The following RGS12 variants were observed in gnomAD, a reference collection of about 807,000 sequenced individuals.
RGS12 encodes regulator of G-protein signaling 12.
Under a neutral mutation model 120.1 loss-of-function variants are expected in RGS12, and 66 were observed. The observed-to-expected ratio is 0.55, with a 90% confidence interval of 0.45 to 0.67. RGS12 has a LOEUF of 0.67. RGS12 is among the 30% of genes least tolerant of loss of function. RGS12 has a pLI of 0.00. For synonymous variants in RGS12, 827 were observed against 804.7 expected (o/e 1.03, Z -0.47); for missense variants, 1,859 against 1,957.7 (o/e 0.95, Z 0.95).
chr4:3,309,281 G>A (rs1324103623), intron 1 of RGS12, among the ~76,000 whole-genome samples: 1 of 138,080 alleles, frequency 7.2e-6, no homozygotes, highest in African/African-American at 2.7e-5. Context: ...TTGAGGAGGA[G>A]CTGGGACTCG....
At position 3,407,759 on chromosome 4, in the gene RGS12, A is replaced by G. The variant is rs193106784; in HGVS notation, c.2021-6313A>G. 8.9e-4 allele frequency among the ~76,000 whole-genome samples: 135 copies of G among 152,248 alleles called. 1 individual carries two copies. Among genetic ancestry groups the G allele is most frequent in the African/African-American group, 2.9e-3 (122 of 41,530 alleles). ...ATGACTTAAAGAGTCAGAGTGTTTGAGGTTACGGTTTGGATGAGATAACAA... is the reference window on the plus strand; with the variant it reads ...ATGACTTAAAGAGTCAGAGTGTTTGGGGTTACGGTTTGGATGAGATAACAA... On this transcript the variant is annotated intron_variant, in intron 4 of 17. Transcript: ENST00000336727.
chr4:3,293,582 G>T (rs1723177153), intron 1 of RGS12, among the ~76,000 whole-genome samples: 1 of 152,328 alleles, frequency 6.6e-6, no homozygotes, highest in South Asian at 2.1e-4. Flanking sequence ...GCAGCGACCT[G>T]GGGTCGCCTC....
At chr4:3,325,026 C>T (rs1049368043) in intron 2 of RGS12, among the ~76,000 whole-genome samples, 1 of 151,998 alleles carries the variant, frequency 6.6e-6, no homozygotes, top group African/African-American at 2.4e-5. Flanking sequence ...GAAATTAGTG[C>T]TTTGGTCAAA....
At chr4:3,413,730 G>C in intron 4 of RGS12, 1 of 248,354 alleles carries the variant, frequency 4.0e-6, no homozygotes, top group Non-Finnish European at 7.8e-6. Flanking sequence ...GTTCAACCCT[G>C]TGGCTGTAGT....
At chr4:3,293,604 C>T (rs1723178599) in intron 1 of RGS12, among the ~76,000 whole-genome samples, 1 of 152,204 alleles carries the variant, frequency 6.6e-6, no homozygotes, top group South Asian at 2.1e-4. Context: ...GCCGCGGTGC[C>T]GCGATTGTGC....
chr4:3,343,405 T>C (rs559272500), intron 3 of RGS12, among the ~76,000 whole-genome samples: 19 of 152,288 alleles, frequency 1.2e-4, no homozygotes, highest in African/African-American at 4.1e-4. Context: ...GTAAGTGTCA[T>C]TTTGTGTGGC....
chr4:3,414,492 C>G (rs1364537344), intron 5 of RGS12: 1 of 597,324 alleles, frequency 1.7e-6, no homozygotes, highest in Non-Finnish European at 2.9e-6. Context: ...CTCTGCAGCC[C>G]GCAGCACTGG....
chr4:3,293,346 C>T (rs1400149946), intron 1 of RGS12, among the ~76,000 whole-genome samples: 1 of 145,550 alleles, frequency 6.9e-6, no homozygotes, highest in Non-Finnish European at 1.5e-5. Context: ...CGGCGCGGGG[C>T]GCGGGCCTGT....
chr4:3,380,399 G>A (rs1204153679), intron 3 of RGS12, among the ~76,000 whole-genome samples: 1 of 152,348 alleles, frequency 6.6e-6, no homozygotes, highest in Admixed American at 6.5e-5. Context: ...ATTTTGAGGT[G>A]TGGAGGAGGG....
intron 17 of RGS12, 68 bp from the exon 18 acceptor site, chr4:3,439,387 T>C: frequency 1.3e-6 from 2 of 1,490,228 alleles, no homozygotes; most frequent in Non-Finnish European, 1.9e-6. Flanking sequence ...GCCTTCGGGG[T>C]AGGGGGTGGG....
At chr4:3,292,861 C>T (rs1442456793), upstream of RGS12, among the ~76,000 whole-genome samples, 2 of 151,944 alleles carry the variant, frequency 1.3e-5, no homozygotes, top group Non-Finnish European at 2.9e-5. Flanking sequence ...CCACGCTGTC[C>T]CGACGCGAAG....
intron 2 of RGS12, among the ~76,000 whole-genome samples, chr4:3,339,287 G>T (rs1712804732): frequency 6.6e-6 from 1 of 152,158 alleles, no homozygotes; most frequent in South Asian, 2.1e-4. Context: ...TTTCAGCTCA[G>T]CCTGGGCAAC....
intron 2 of RGS12, among the ~76,000 whole-genome samples, chr4:3,340,196 C>G (rs1277480372): frequency 2.0e-5 from 3 of 152,212 alleles, no homozygotes; most frequent in Non-Finnish European, 4.4e-5. Flanking sequence ...CTCAGGCCTC[C>G]CCTCTGCCGG....
Position 3,323,207 on chromosome 4 carries a change from C to T in RGS12, c.1881+5156C>T, listed in dbSNP as rs1423894373. ...TGGGGGGCCTCTCCCGGGAGGGGTGCCGTGGCGCCTCGCTCGTGTTGGTGC... is the reference window on the plus strand; with the variant it reads ...TGGGGGGCCTCTCCCGGGAGGGGTGTCGTGGCGCCTCGCTCGTGTTGGTGC... On this transcript the variant is annotated intron_variant, in intron 2 of 17. Transcript: ENST00000336727. Among the ~76,000 whole-genome samples the T allele has an allele frequency of 3.3e-5, 5 of 152,230 alleles. No individual in the cohort carries two copies. The East Asian group carries it at 9.6e-4, about 29-fold the overall frequency.
At position 3,433,985 on chromosome 4, in the gene RGS12, C is replaced by T. The variant is rs1245394734; in HGVS notation, c.4114+3030C>T. ...CAAGCGGGAGAAGTGTCAGGCCCCT[C>T]GTGAGGCTCCAGGGCACGCTGGCAG... On this transcript the variant is annotated intron_variant, in intron 17 of 17. Transcript: ENST00000336727. This position sits in a 1 kb window ranked among gnomAD's most constrained non-coding sequence, Gnocchi z 4.4. 1.3e-5 allele frequency among the ~76,000 whole-genome samples: 2 copies of T among 152,212 alleles called. No individual in the cohort carries two copies. Among genetic ancestry groups the T allele is most frequent in the Admixed American group, 6.5e-5 (1 of 15,288 alleles).
chr4:3,434,155 TAC>T (rs983513982), intron 17 of RGS12, among the ~76,000 whole-genome samples: 10 of 152,120 alleles, frequency 6.6e-5, no homozygotes, highest in African/African-American at 1.9e-4. Context: ...TCAGGAAACT[TAC>T]AGTCATGGCA....
In RGS12 at chr4:3,439,781, C is replaced by A; in HGVS notation, c.*97C>A. On this transcript the variant is annotated 3_prime_UTR_variant, in exon 18 of 18. Transcript: ENST00000336727. ...CAGGGGGGCCACCCTGGCCACCACA[C>A]CCTCAGGAGCCCAGCCAGGAGGGCA... 8.4e-7 allele frequency: 1 copy of A among 1,185,058 alleles called. No individual in the cohort carries two copies. The highest frequency in any genetic ancestry group is 1.2e-6 in the Non-Finnish European group (1 of 869,502). The allele number at this position is 1,185,058 out of a possible 1,614,324, so 73.4% of individuals were successfully genotyped here.
chr4:3,412,676 T>C (rs1721868043), intron 4 of RGS12, among the ~76,000 whole-genome samples: 1 of 152,252 alleles, frequency 6.6e-6, no homozygotes, highest in African/African-American at 2.4e-5. Context: ...GAGGCTGCTC[T>C]GTCAGTCAGC....
chr4:3,287,114 G>C, the RGS12 span, among the ~76,000 whole-genome samples: 1 of 152,180 alleles, frequency 6.6e-6, no homozygotes, highest in African/African-American at 2.4e-5. Context: ...AGCTCTGAGC[G>C]CTACCTGCTC....
Sources: gnomAD v4.1 joint callset for allele counts (sites outside exome capture counted in the v4.1 genomes callset) on GRCh38, gnomAD v4.1.1 for gene constraint, Gnocchi (gnomAD v3.1) non-coding constraint, MANE v1.5 for transcripts, NCBI Gene and HGNC (gene_info 2026-07-23, HGNC 2026-07-21) for gene names.